Variants in KIAA1671 observed in about 807,000 individuals in gnomAD.
The protein encoded by KIAA1671 is KIAA1671, also known as uncharacterized protein KIAA1671.
Under a neutral mutation model 131.2 loss-of-function variants are expected in KIAA1671, and 52 were observed. The ratio of observed to expected loss-of-function variants is 0.40; its 90% CI spans 0.32 to 0.50. The LOEUF is 0.50. KIAA1671 is among the 20% of genes least tolerant of loss of function. The pLI, the probability that KIAA1671 is intolerant of heterozygous loss-of-function variation, is 0.73. For synonymous variants in KIAA1671, 1,003 were observed against 961.6 expected (o/e 1.04, Z -0.80); for missense variants, 2,360 against 2,364.2 (o/e 1.00, Z 0.04).
intron 1 of KIAA1671, among the ~76,000 whole-genome samples, chr22:24,954,797 T>C (rs1015408825): frequency 1.3e-5 from 2 of 152,182 alleles, no homozygotes; most frequent in Non-Finnish European, 2.9e-5. Flanking sequence ...ATTTTGTTTT[T>C]TGAGATGGAG....
rs558683768 is a variant in KIAA1671 at position 24,978,777 on chromosome 22, G to A, written c.-208+26005G>A. On this transcript the variant is annotated intron_variant, in intron 1 of 12. Transcript: ENST00000358431. ...TGGCTCACTACAGCCTCCGCCTCCTGGGTTCAAGAGATTCTCCTGCTTCAG... is the reference window on the plus strand; with the variant it reads ...TGGCTCACTACAGCCTCCGCCTCCTAGGTTCAAGAGATTCTCCTGCTTCAG... Among the ~76,000 whole-genome samples, 5 of 151,978 alleles carry A rather than the reference G, an allele frequency of 3.3e-5. No homozygotes were observed. In the South Asian group the frequency reaches 1.0e-3, roughly 32 times the overall value.
intron 6 of KIAA1671, among the ~76,000 whole-genome samples, chr22:25,155,994 C>T (rs1340214695): frequency 2.6e-5 from 3 of 115,994 alleles, no homozygotes; most frequent in South Asian, 2.8e-4. Context: ...CTTTTTTGTG[C>T]ATGTATGTGT....
rs374109089 is a variant in KIAA1671, at chr22:24,955,043, A to G, written c.-208+2271A>G. On this transcript the variant is annotated intron_variant, in intron 1 of 12. Transcript: ENST00000358431. The stretch of plus-strand genomic sequence containing the variant: ...TGATCCTCCTGCCTCCGCCTCCCAA[A>G]GTGCTAGGATTACAGGCATGAGCCA... Among the ~76,000 whole-genome samples, 316 of 152,236 alleles carry G rather than the reference A, an allele frequency of 2.1e-3. 2 individuals carry two copies. The highest frequency in any genetic ancestry group is 7.3e-3 in the African/African-American group (302 of 41,534).
chr22:24,996,475 G>GT (rs1924144885), intron 1 of KIAA1671, among the ~76,000 whole-genome samples: 1 of 152,192 alleles, frequency 6.6e-6, no homozygotes, highest in Non-Finnish European at 1.5e-5. Flanking sequence ...TCAGCCTGGA[G>GT]TGCGGGCGAG....
At chr22:25,032,561 G>A in intron 3 of KIAA1671, 48 bp from the exon 4 acceptor site, 2 of 1,232,964 alleles carry the variant, frequency 1.6e-6, no homozygotes. Flanking sequence ...GGGCTGGGGG[G>A]AATAACAGCT....
intron 1 of KIAA1671, among the ~76,000 whole-genome samples, chr22:24,976,106 C>A (rs1922896930): frequency 6.6e-6 from 1 of 152,190 alleles, no homozygotes. Context: ...ACTCCCCACC[C>A]GTAGCCAGCG....
intron 6 of KIAA1671, among the ~76,000 whole-genome samples, chr22:25,106,252 T>C (rs771273313): frequency 4.6e-5 from 7 of 152,166 alleles, no homozygotes; most frequent in South Asian, 2.1e-4. Flanking sequence ...AGAGTGTGAA[T>C]TGCATCACTG....
At chr22:25,159,009 T>C (rs999728514) in intron 6 of KIAA1671, among the ~76,000 whole-genome samples, 1 of 152,152 alleles carries the variant, frequency 6.6e-6, no homozygotes, top group Non-Finnish European at 1.5e-5. Flanking sequence ...ACTATTCTTA[T>C]TGCCTCCCTG....
rs184901278 is a variant in KIAA1671 at position 25,075,650 on chromosome 22, C to T, written c.4530+26286C>T. On this transcript the variant is annotated intron_variant, in intron 6 of 12. Coordinates refer to ENST00000358431, the MANE Select transcript of KIAA1671 (RefSeq NM_001145206.2). ...GGGACTACAGGCACGTGCTACCACA[C>T]CCAGCTAATTTTTTGTATTTTTATT... Among the ~76,000 whole-genome samples the T allele has an allele frequency of 9.2e-5, 14 of 151,634 alleles. No homozygotes were observed. The East Asian group carries it at 2.5e-3, about 27-fold the overall frequency.
In KIAA1671 at chr22:25,180,409, G is replaced by A. The variant is rs543134642; in HGVS notation, c.5075-1290G>A. On this transcript the variant is annotated intron_variant, in intron 9 of 12. Coordinates refer to ENST00000358431, the MANE Select transcript of KIAA1671 (RefSeq NM_001145206.2). Reference sequence around the variant, plus strand: ...CAAAAATAGCTGGGCATGATGGCACGTGCCTGTAATCCCAGCTACTTAGGA... The same window carrying A: ...CAAAAATAGCTGGGCATGATGGCACATGCCTGTAATCCCAGCTACTTAGGA... 4.7e-4 allele frequency among the ~76,000 whole-genome samples: 71 copies of A among 152,244 alleles called. 1 individual carries two copies. In the South Asian group the frequency reaches 0.014, roughly 30 times the overall value.
chr22:25,071,609 C>CCCGCCACTGCACTCCA (rs1273839356), intron 6 of KIAA1671, among the ~76,000 whole-genome samples: 12 of 151,892 alleles, frequency 7.9e-5, no homozygotes, highest in South Asian at 2.1e-4. Context: ...CTCCAATAAT[C>CCCGCCACTGCACTCCA]GTATTTTTGA....
chr22:24,987,073 T>C (rs1923584442), intron 1 of KIAA1671, among the ~76,000 whole-genome samples: 1 of 152,166 alleles, frequency 6.6e-6, no homozygotes, highest in African/African-American at 2.4e-5. Context: ...TCACAACTTA[T>C]GTATAGACAC....
At chr22:25,059,792 G>A (rs935595913) in intron 6 of KIAA1671, 1 of 152,192 alleles carries the variant, frequency 6.6e-6, no homozygotes, top group African/African-American at 2.4e-5. Flanking sequence ...GTAGTTCCTG[G>A]GAGGGGACCC....
chr22:25,086,097 C>T (rs1929707314), intron 6 of KIAA1671, among the ~76,000 whole-genome samples: 2 of 152,182 alleles, frequency 1.3e-5, no homozygotes, highest in Non-Finnish European at 2.9e-5. Flanking sequence ...TATCTATATG[C>T]ACAGTGCTTA....
At chr22:25,047,549 T>C (rs1927315955) in intron 5 of KIAA1671, among the ~76,000 whole-genome samples, 1 of 149,908 alleles carries the variant, frequency 6.7e-6, no homozygotes, top group African/African-American at 2.5e-5. Context: ...GTCGGCTCAC[T>C]GCAATCTCCA....
At chr22:25,113,811 T>C (rs1931515329) in intron 6 of KIAA1671, among the ~76,000 whole-genome samples, 1 of 152,226 alleles carries the variant, frequency 6.6e-6, no homozygotes, top group African/African-American at 2.4e-5. Context: ...AGGTGTGACT[T>C]GCCACAGGGA....
At chr22:25,081,029 C>T (rs1245721639) in intron 6 of KIAA1671, among the ~76,000 whole-genome samples, 1 of 152,040 alleles carries the variant, frequency 6.6e-6, no homozygotes, top group Non-Finnish European at 1.5e-5. Flanking sequence ...CATTCCAGGG[C>T]TTAGAGCAGT....
intron 6 of KIAA1671, among the ~76,000 whole-genome samples, chr22:25,123,283 C>T (rs1219561860): frequency 1.4e-5 from 2 of 147,096 alleles, no homozygotes; most frequent in Non-Finnish European, 3.0e-5. Context: ...TGCAACCACC[C>T]CTTCCTGGGT....
intron 4 of KIAA1671, among the ~76,000 whole-genome samples, chr22:25,036,565 C>A (rs1412581996): frequency 3.3e-5 from 5 of 151,946 alleles, no homozygotes; most frequent in African/African-American, 1.2e-4. Context: ...GGATCATAAC[C>A]CATTGGTAAT....
Sources: allele counts gnomAD v4.1 joint callset (sites outside exome capture counted in the v4.1 genomes callset), GRCh38; gene constraint gnomAD v4.1.1; transcripts MANE v1.5; gene names NCBI Gene and HGNC (gene_info 2026-07-23, HGNC 2026-07-21).